PASK: variants seen among roughly 807,000 people sequenced by gnomAD.
PASK encodes the protein PAS domain-containing serine/threonine-protein kinase.
In PASK, 110 loss-of-function variants were observed where a neutral mutation model predicts 121.0. That is an observed-to-expected ratio of 0.91 (90% CI 0.78 to 1.06). The LOEUF (loss-of-function observed/expected upper bound fraction) is 1.06, where lower values mean the gene tolerates loss of function less well. PASK is among the 50% of genes least tolerant of loss of function. The pLI, the probability that PASK is intolerant of heterozygous loss-of-function variation, is 0.00. For synonymous variants in PASK, 686 were observed against 717.8 expected, an observed-to-expected ratio of 0.96 and a Z score of 0.71; for missense variants, 1,643 against 1,702.3, an observed-to-expected ratio of 0.97 and a Z score of 0.61.
chr2:241,124,138 A>G lies in PASK; in HGVS notation c.2720-5T>C. 6.2e-7 allele frequency: 1 copy of G among 1,613,240 alleles called. No homozygotes were observed. Among genetic ancestry groups the G allele is most frequent in the Non-Finnish European group, 8.5e-7 (1 of 1,179,368 alleles). ...GCCTCACCTCAAACTGTATACCTGA[A>G]GGGTGAGAAGGTAAGAACGCACAGG... On this transcript the variant is annotated splice_polypyrimidine_tract_variant and splice_region_variant and intron_variant, in intron 10 of 17. Coordinates refer to ENST00000234040, the MANE Select transcript of PASK (RefSeq NM_015148.4).
At chr2:241,138,285 G>A (rs2066535734) in intron 5 of PASK, among the ~76,000 whole-genome samples, 198 bp from the exon 6 acceptor site, 1 of 152,194 alleles carries the variant, frequency 6.6e-6, no homozygotes. Flanking sequence ...TAAATTGTGG[G>A]CCTTCTTGTT....
upstream of PASK, chr2:241,149,875 C>T: frequency 2.1e-6 from 3 of 1,450,328 alleles, no homozygotes; most frequent in Non-Finnish European, 2.7e-6. Context: ...CCGGAGCCAG[C>T]CAGCTGGCTA....
chr2:241,113,943 A>G, intron 14 of PASK: 2 of 977,284 alleles, frequency 2.0e-6, no homozygotes, highest in Non-Finnish European at 2.4e-6. Context: ...TTTACATAGA[A>G]TAACATTTAT....
At chr2:241,119,255 C>A (rs2065499156) in intron 12 of PASK, among the ~76,000 whole-genome samples, 1 of 152,188 alleles carries the variant, frequency 6.6e-6, no homozygotes, top group Admixed American at 6.5e-5. Context: ...ACTGTCTTTT[C>A]TTTCGGAGGG....
At chr2:241,120,796 G>A (rs764419468) in intron 12 of PASK, among the ~76,000 whole-genome samples, 2 of 152,150 alleles carry the variant, frequency 1.3e-5, no homozygotes, top group Admixed American at 6.5e-5. Context: ...ACAGAGTTAC[G>A]ACATGACCCA....
At position 241,108,057 on chromosome 2, in the gene PASK, G is replaced by A. The variant is rs2064959759; in HGVS notation, c.3667+110C>T. 2 of 1,007,706 alleles carry A rather than the reference G, an allele frequency of 2.0e-6. No individual in the cohort carries two copies. Among genetic ancestry groups the A allele is most frequent in the South Asian group, 2.5e-5 (2 of 78,476 alleles). 62.4% of individuals were successfully genotyped at this position (1,007,706 alleles called of 1,614,324 possible). A position where few individuals can be genotyped will look rare whatever the true frequency, so the allele number is the denominator to read the frequency against. ...TTTGATGAATAGAAAAGAAACAAAT[G>A]AGACTGTTGATATGGACAGAGATAC... On this transcript the variant is annotated intron_variant, in intron 16 of 17. Transcript: ENST00000234040. This position sits in a 1 kb window ranked among gnomAD's most constrained non-coding sequence, Gnocchi z 5.2.
At chr2:241,138,476 G>C (rs538545517) in intron 5 of PASK, among the ~76,000 whole-genome samples, 178 bp downstream of exon 5, 110 of 152,346 alleles carry the variant, frequency 7.2e-4, no homozygotes, top group Non-Finnish European at 8.8e-4. Context: ...CTGAAGTATA[G>C]GAAGTTCGTT....
rs2065861370 is a variant in PASK at position 241,126,310 on chromosome 2, CGT to C, written c.2603_2604del (p.Asn868SerfsTer43). Reference protein sequence around the residue: ...TCPSAEEPRLNVQVTSTPVIV... With the variant: ...TCPSAEEPRLXVQVTSTPVIV... The stretch of plus-strand genomic sequence containing the variant: ...ATCACGGGCGTGGAGGTGACCTGGA[CGT>C]TCAGCCTTGGCTCCTCTGCTGATGG... On this transcript the variant is annotated frameshift_variant, in exon 10 of 18. Coordinates refer to ENST00000234040, the MANE Select transcript of PASK (RefSeq NM_015148.4). LOFTEE classifies it high-confidence loss of function. 6.2e-7 allele frequency: 1 copy of C among 1,614,104 alleles called. No homozygotes were observed. Among genetic ancestry groups the C allele is most frequent in the Admixed American group, 1.7e-5 (1 of 60,010 alleles).
At chr2:241,129,054 C>T (rs2066008784) in intron 9 of PASK, among the ~76,000 whole-genome samples, 1 of 151,974 alleles carries the variant, frequency 6.6e-6, no homozygotes, top group Non-Finnish European at 1.5e-5. Flanking sequence ...TCTCTCTCTC[C>T]CCTGTACCTC....
At chr2:241,144,326 A>G (rs1057488538) in intron 1 of PASK, among the ~76,000 whole-genome samples, 2 of 152,154 alleles carry the variant, frequency 1.3e-5, no homozygotes, top group African/African-American at 4.8e-5. Flanking sequence ...ACTCAACAAA[A>G]AGAGCCCTTA....
Position 241,126,490 on chromosome 2 carries a change from G to C in PASK, c.2425C>G (p.Gln809Glu), listed in dbSNP as rs2065870100. The change falls in exon 10 of 18, where the codon CAA (glutamine) becomes GAA (glutamate). Residue 809 changes from glutamine to glutamate, a missense_variant. Gln to Glu is a conservative substitution (Grantham distance 29). Transcript: ENST00000234040. Reference sequence around the variant, plus strand: ...CAGCTCTCCCGGAACCGTCGGCCTTGGCCAAGGTCAACACAGGTGCCGGTC... The same window carrying C: ...CAGCTCTCCCGGAACCGTCGGCCTTCGCCAAGGTCAACACAGGTGCCGGTC... ...LLTGTCVDLG[Q>E]GRRFRESCVG... 2 of 1,614,104 alleles carry C rather than the reference G, an allele frequency of 1.2e-6. No homozygotes were observed. Among genetic ancestry groups the C allele is most frequent in the South Asian group, 2.2e-5 (2 of 91,086 alleles).
At chr2:241,149,576 GA>G, upstream of PASK, 1 of 1,410,808 alleles carries the variant, frequency 7.1e-7, no homozygotes, top group Non-Finnish European at 9.6e-7. Context: ...CCAGAGTCTA[GA>G]AGCCCGCGCT....
rs145573241 is a variant in PASK at position 241,130,965 on chromosome 2, T to C, written c.1463+1909A>G. 3.3e-5 allele frequency among the ~76,000 whole-genome samples: 5 copies of C among 152,234 alleles called. No homozygotes were observed. In the East Asian group the frequency reaches 7.7e-4, roughly 24 times the overall value. On this transcript the variant is annotated intron_variant, in intron 9 of 17. Coordinates refer to ENST00000234040, the MANE Select transcript of PASK (RefSeq NM_015148.4). Reference sequence around the variant, plus strand: ...GAGCACACATATGCACATGCACACATAGAAGTATAATATACAACTATAGTT... The same window carrying C: ...GAGCACACATATGCACATGCACACACAGAAGTATAATATACAACTATAGTT...
At chr2:241,129,339 C>T (rs1015755227) in intron 9 of PASK, among the ~76,000 whole-genome samples, 1 of 152,154 alleles carries the variant, frequency 6.6e-6, no homozygotes, top group Non-Finnish European at 1.5e-5. Context: ...TCACCTGGGT[C>T]CACGGCCCTT....
At chr2:241,125,428 G>A (rs572643608) in intron 10 of PASK, among the ~76,000 whole-genome samples, 19 of 150,968 alleles carry the variant, frequency 1.3e-4, no homozygotes, top group South Asian at 1.0e-3. Flanking sequence ...GTGAAATCCC[G>A]TCTCTACTAA....
chr2:241,136,158 G>T, intron 7 of PASK, 119 bp from the exon 8 acceptor site: 2 of 909,674 alleles, frequency 2.2e-6, no homozygotes, highest in Non-Finnish European at 3.6e-6. Context: ...CACCCTTAAG[G>T]TCAGGAAAGG....
chr2:241,149,185 G>A (rs1031546576), intron 1 of PASK, among the ~76,000 whole-genome samples: 1 of 152,108 alleles, frequency 6.6e-6, no homozygotes, highest in African/African-American at 2.4e-5. Context: ...GGGGGCGCGG[G>A]GCCCAGGGCC....
At chr2:241,145,298 A>G (rs1056333181) in intron 1 of PASK, among the ~76,000 whole-genome samples, 1 of 152,068 alleles carries the variant, frequency 6.6e-6, no homozygotes, top group Non-Finnish European at 1.5e-5. Flanking sequence ...CCCAGGGCAT[A>G]AAAGATCTGA....
chr2:241,139,495 C>T (rs151133158), intron 4 of PASK: 121 of 482,446 alleles, frequency 2.5e-4, no homozygotes, highest in Admixed American at 3.7e-4. Flanking sequence ...CACCCCCGCC[C>T]GCTCCCACAA....
Sources: gnomAD v4.1 joint callset for allele counts (sites outside exome capture counted in the v4.1 genomes callset) on GRCh38, gnomAD v4.1.1 for gene constraint, Gnocchi (gnomAD v3.1) non-coding constraint, MANE v1.5 for transcripts, NCBI Gene and HGNC (gene_info 2026-07-23, HGNC 2026-07-21) for gene names.